CNTN5: variants seen among roughly 807,000 people sequenced by gnomAD.
CNTN5 encodes the protein contactin-5.
In CNTN5, 77 loss-of-function variants were observed where a neutral mutation model predicts 129.1. The ratio of observed to expected loss-of-function variants is 0.60; its 90% confidence interval spans 0.50 to 0.72. The LOEUF is 0.72. Ranked by LOEUF, CNTN5 falls within the 30% of genes least tolerant of loss-of-function variation. CNTN5 has a pLI of 0.00. For synonymous variants in CNTN5, 509 were observed against 465.6 expected, an observed-to-expected ratio of 1.09 and a Z score of -1.20; for missense variants, 1,478 against 1,328.8, an observed-to-expected ratio of 1.11 and a Z score of -1.75.
At chr11:100,103,744 A>C (rs1160900840) in intron 13 of CNTN5, among the ~76,000 whole-genome samples, 2 of 152,184 alleles carry the variant, frequency 1.3e-5, no homozygotes, top group Admixed American at 6.6e-5. Flanking sequence ...CTGCAATGCT[A>C]CAAGGGAACT....
intron 1 of CNTN5, among the ~76,000 whole-genome samples, chr11:99,257,639 C>A (rs577223087): frequency 2.0e-5 from 3 of 151,836 alleles, no homozygotes; most frequent in Admixed American, 6.6e-5. Context: ...GTTCAGATTT[C>A]AGGAAAGTAG....
At position 99,035,748 on chromosome 11, in the gene CNTN5, T is replaced by C. The variant is rs557592667; in HGVS notation, c.-210+14478T>C. On this transcript the variant is annotated intron_variant, in intron 1 of 24. Transcript: ENST00000524871. ...CAATTTGCCAGTCTGTGTCTTTTAA[T>C]TGGAGAATTTAGTCCATTTACATTT... Among the ~76,000 whole-genome samples, 35 of 150,404 alleles carry C rather than the reference T, an allele frequency of 2.3e-4. No individual in the cohort carries two copies. The East Asian group carries it at 6.9e-3, about 30-fold the overall frequency.
chr11:99,617,277 C>T (rs567101345), intron 3 of CNTN5, among the ~76,000 whole-genome samples: 370 of 152,262 alleles, frequency 2.4e-3, no homozygotes, highest in South Asian at 0.013. Flanking sequence ...GAAAAACCAT[C>T]CTGGCTGCAG....
At chr11:100,160,393 G>C (rs547433202) in intron 13 of CNTN5, among the ~76,000 whole-genome samples, 2 of 152,054 alleles carry the variant, frequency 1.3e-5, no homozygotes, top group Non-Finnish European at 2.9e-5. Context: ...GTATGCATGT[G>C]TCTTTATAGC....
chr11:100,258,404 C>G (rs1394734568), intron 17 of CNTN5, among the ~76,000 whole-genome samples: 1 of 152,138 alleles, frequency 6.6e-6, no homozygotes, highest in African/African-American at 2.4e-5. Context: ...CCTAGGAAGA[C>G]AGGCCAACAT....
intron 15 of CNTN5, among the ~76,000 whole-genome samples, chr11:100,222,259 G>A (rs1187013749): frequency 3.3e-5 from 5 of 152,096 alleles, no homozygotes; most frequent in African/African-American, 1.2e-4. Flanking sequence ...TCTGATAGAT[G>A]GTGATGTAAC....
intron 3 of CNTN5, among the ~76,000 whole-genome samples, chr11:99,763,887 G>C (rs1591121846): frequency 6.6e-6 from 1 of 151,980 alleles, no homozygotes; most frequent in Admixed American, 6.6e-5. Flanking sequence ...AATAGAATGA[G>C]AATGTTAGTT....
At chr11:100,044,276 C>T (rs926682348) in intron 9 of CNTN5, among the ~76,000 whole-genome samples, 2 of 151,880 alleles carry the variant, frequency 1.3e-5, no homozygotes, top group African/African-American at 2.4e-5. Context: ...TGTCAACAGT[C>T]CCGTGATAAA....
chr11:99,284,614 T>C (rs1863846280), intron 1 of CNTN5, among the ~76,000 whole-genome samples: 1 of 61,556 alleles, frequency 1.6e-5, no homozygotes, highest in Admixed American at 1.3e-4. Flanking sequence ...TGTGTGTGTG[T>C]GTGTGTGTGT....
At chr11:99,986,777 C>G (rs1049543338) in intron 8 of CNTN5, among the ~76,000 whole-genome samples, 1 of 152,082 alleles carries the variant, frequency 6.6e-6, no homozygotes. Context: ...GCTTTAATAA[C>G]CACCATTATT....
intron 3 of CNTN5, among the ~76,000 whole-genome samples, chr11:99,561,055 A>G (rs1357631803): frequency 1.3e-5 from 2 of 152,188 alleles, no homozygotes; most frequent in Non-Finnish European, 2.9e-5. Flanking sequence ...CATTTATACC[A>G]TTTTCTACTC....
chr11:99,531,757 G>A (rs537441491), intron 2 of CNTN5, among the ~76,000 whole-genome samples: 4 of 152,344 alleles, frequency 2.6e-5, no homozygotes, highest in Admixed American at 6.5e-5. Context: ...TTTCCACGTG[G>A]CATTGAGCGT....
chr11:99,036,330 C>T (rs972993350), intron 1 of CNTN5, among the ~76,000 whole-genome samples: 2 of 151,926 alleles, frequency 1.3e-5, no homozygotes, highest in Admixed American at 6.6e-5. Context: ...GATGGAGTTT[C>T]ACTCCCTCAG....
chr11:99,590,974 T>C (rs1488279520), intron 3 of CNTN5, among the ~76,000 whole-genome samples: 1 of 152,216 alleles, frequency 6.6e-6, no homozygotes, highest in Non-Finnish European at 1.5e-5. Context: ...TAACTATACA[T>C]GCAAATAATA....
At chr11:99,995,855 T>C (rs927999799) in intron 8 of CNTN5, among the ~76,000 whole-genome samples, 7 of 152,182 alleles carry the variant, frequency 4.6e-5, no homozygotes, top group African/African-American at 7.2e-5. Context: ...AGCTATTGCA[T>C]TGTTTTCTAA....
At chr11:99,710,805 A>G (rs1954954669) in intron 3 of CNTN5, among the ~76,000 whole-genome samples, 1 of 151,908 alleles carries the variant, frequency 6.6e-6, no homozygotes, top group Non-Finnish European at 1.5e-5. Flanking sequence ...GAGAAAAGGC[A>G]GAGATTAATA....
chr11:99,040,082 T>C (rs1193231879), intron 1 of CNTN5, among the ~76,000 whole-genome samples: 1 of 152,192 alleles, frequency 6.6e-6, no homozygotes, highest in East Asian at 1.9e-4. Context: ...CAGCAGCAGA[T>C]GAATGGCATG....
intron 8 of CNTN5, among the ~76,000 whole-genome samples, chr11:99,989,412 T>C (rs537668213): frequency 1.3e-5 from 2 of 152,264 alleles, no homozygotes; most frequent in African/African-American, 2.4e-5. Context: ...CTAAACCATA[T>C]TCACACACGT....
At chr11:99,202,777 TATAA>T in intron 1 of CNTN5, among the ~76,000 whole-genome samples, 1 of 150,490 alleles carries the variant, frequency 6.6e-6, no homozygotes, top group Non-Finnish European at 1.5e-5. Flanking sequence ...TATAAATAAA[TATAA>T]ATATATATTT....
Sources: allele counts gnomAD v4.1 joint callset (sites outside exome capture counted in the v4.1 genomes callset), GRCh38; gene constraint gnomAD v4.1.1; transcripts MANE v1.5; gene names NCBI Gene and HGNC (gene_info 2026-07-23, HGNC 2026-07-21).